The following PLXDC1 variants were observed in gnomAD, a reference collection of about 807,000 sequenced individuals.
The protein encoded by PLXDC1 is plexin domain containing 1.
Under a neutral mutation model 61.3 loss-of-function variants are expected in PLXDC1, and 39 were observed. The ratio of observed to expected loss-of-function variants is 0.64; its 90% CI spans 0.49 to 0.83. PLXDC1 has a LOEUF of 0.83. Among genes scored for constraint, PLXDC1 ranks in the 40% least tolerant of loss-of-function variants. The pLI is 0.00. For missense variants in PLXDC1, 596 were observed against 666.5 expected (o/e 0.89, Z 1.17); for synonymous variants, 212 against 254.5 (o/e 0.83, Z 1.59).
chr17:39,144,283 G>A lies in PLXDC1; in HGVS notation c.77-4451C>T, dbSNP rs144914245. The stretch of plus-strand genomic sequence containing the variant: ...CCCTAGTGACTCAAATGGATTTGAC[G>A]ATGGTGCCCACAGTACAGGCTGCCA... On this transcript the variant is annotated intron_variant, in intron 1 of 13. Coordinates refer to ENST00000315392, the MANE Select transcript of PLXDC1 (RefSeq NM_020405.5). 3.9e-3 allele frequency among the ~76,000 whole-genome samples: 589 copies of A among 152,226 alleles called. 9 individuals carry two copies. The highest frequency in any genetic ancestry group is 0.014 in the African/African-American group (564 of 41,536).
chr17:39,131,259 G>T (rs1911549918), intron 2 of PLXDC1, among the ~76,000 whole-genome samples: 1 of 152,176 alleles, frequency 6.6e-6, no homozygotes, highest in Admixed American at 6.5e-5. Context: ...GGCCAGGACT[G>T]CCGGGCTCCT....
chr17:39,104,873 G>C (rs1322162603), intron 7 of PLXDC1, among the ~76,000 whole-genome samples: 1 of 152,196 alleles, frequency 6.6e-6, no homozygotes, highest in African/African-American at 2.4e-5. Context: ...GAACATAGTG[G>C]CCCAGTGTGT....
In PLXDC1 at chr17:39,069,861, TGAA is replaced by T; in HGVS notation, c.1375_1377del (p.Phe459del). 1.9e-6 allele frequency: 3 copies of T among 1,613,604 alleles called. No individual in the cohort carries two copies. Among genetic ancestry groups the T allele is most frequent in the Non-Finnish European group, 1.7e-6 (2 of 1,179,628 alleles). Reference sequence around the variant, plus strand: ...TGGCCACAGATGACACGGACCTCGATGAAGAAGAGCGCAGCATTGGATGTGGGG... The same window carrying T: ...TGGCCACAGATGACACGGACCTCGATGAAGAGCGCAGCATTGGATGTGGGG... On this transcript the variant is annotated inframe_deletion, in exon 13 of 14. Transcript: ENST00000315392.
At chr17:39,107,554 A>G (rs1910639516) in intron 5 of PLXDC1, 29 bp from the exon 6 acceptor site, 1 of 1,499,516 alleles carries the variant, frequency 6.7e-7, no homozygotes, top group South Asian at 1.1e-5. Context: ...ACCCGGCTGG[A>G]CGGGAGATCA....
chr17:39,086,871 A>AAAAAAAAAAAAAAAAAAAAAAAC (rs1909760252), intron 8 of PLXDC1, among the ~76,000 whole-genome samples: 1 of 151,034 alleles, frequency 6.6e-6, no homozygotes, highest in Non-Finnish European at 1.5e-5. Flanking sequence ...AAAAAAAAAA[A>AAAAAAAAAAAAAAAAAAAAAAAC]AAAAAAAAAG....
intron 1 of PLXDC1, among the ~76,000 whole-genome samples, chr17:39,148,482 G>C (rs2045354809): frequency 6.6e-6 from 1 of 151,716 alleles, no homozygotes; most frequent in African/African-American, 2.4e-5. Flanking sequence ...TCGGGTTCAA[G>C]CTATTCTCCT....
At chr17:39,109,477 C>T in intron 2 of PLXDC1, 86 bp from the exon 3 acceptor site, 1 of 1,493,630 alleles carries the variant, frequency 6.7e-7, no homozygotes, top group Non-Finnish European at 9.0e-7. Context: ...ACTCAGATTT[C>T]TGGGTACAGG....
At chr17:39,121,588 C>T (rs150166813) in intron 2 of PLXDC1, among the ~76,000 whole-genome samples, 104 of 152,324 alleles carry the variant, frequency 6.8e-4, no homozygotes, top group African/African-American at 2.2e-3. Context: ...CCCCTTATCA[C>T]GCTGCCACCC....
At chr17:39,106,642 CTTTT>C (rs1910599256) in intron 6 of PLXDC1, among the ~76,000 whole-genome samples, 1 of 134,618 alleles carries the variant, frequency 7.4e-6, no homozygotes, top group Non-Finnish European at 1.6e-5. Context: ...TTTCTTTTTT[CTTTT>C]TCTTTCTTTT....
intron 2 of PLXDC1, among the ~76,000 whole-genome samples, chr17:39,125,722 C>G (rs1911293717): frequency 6.6e-6 from 1 of 152,160 alleles, no homozygotes; most frequent in Non-Finnish European, 1.5e-5. Flanking sequence ...ATATCAAAAG[C>G]AGCTTTTGAT....
chr17:39,105,882 C>T lies in PLXDC1; in HGVS notation c.783G>A (p.Met261Ile). The T allele has an allele frequency of 6.2e-7, 1 of 1,613,800 alleles. No homozygotes were observed. Among genetic ancestry groups the T allele is most frequent in the Non-Finnish European group, 8.5e-7 (1 of 1,179,728 alleles). Residue 261 changes from methionine (M) to isoleucine (I), a missense_variant, in exon 7 of 14, where the codon ATG becomes ATA. Coordinates refer to ENST00000315392, the MANE Select transcript of PLXDC1 (RefSeq NM_020405.5). ...PVKTGLSDAF[M>I]ILNPSPDVPE... is the part of the protein sequence containing the mutation. ...GCACATCCGGGGATGGATTGAGAAT[C>T]ATGAAGGCATCCGATAGGCCGGTTT...
chr17:39,080,370 C>G (rs574333150), intron 9 of PLXDC1: 1 of 152,310 alleles, frequency 6.6e-6, no homozygotes, highest in Non-Finnish European at 1.5e-5. Flanking sequence ...ATTTCTGGAG[C>G]TAATCCTGGA....
At chr17:39,145,677 T>A (rs1453435650) in intron 1 of PLXDC1, among the ~76,000 whole-genome samples, 5 of 152,124 alleles carry the variant, frequency 3.3e-5, no homozygotes, top group African/African-American at 7.2e-5. Flanking sequence ...TTAAATGCCC[T>A]GAGTACCTGA....
At chr17:39,100,489 C>T (rs967253619) in intron 7 of PLXDC1, among the ~76,000 whole-genome samples, 1 of 152,212 alleles carries the variant, frequency 6.6e-6, no homozygotes, top group Non-Finnish European at 1.5e-5. Flanking sequence ...CTCCTGACCT[C>T]AGGAGATCCC....
chr17:39,067,626 G>T lies in PLXDC1; in HGVS notation c.*214C>A, dbSNP rs1006507199. 11 of 514,192 alleles carry T rather than the reference G, an allele frequency of 2.1e-5. No individual in the cohort carries two copies. The highest frequency in any genetic ancestry group is 3.8e-5 in the Non-Finnish European group (11 of 287,678). The allele number at this position is 514,192 out of a possible 1,614,324, so 31.9% of individuals were successfully genotyped here. A position where few individuals can be genotyped will look rare whatever the true frequency, so the allele number is the denominator to read the frequency against. Reference sequence around the variant, plus strand: ...CATCAAAACAGGATGAGATTAGGTTGTTGTTCCTATAAAAAATCCATGTGG... The same window carrying T: ...CATCAAAACAGGATGAGATTAGGTTTTTGTTCCTATAAAAAATCCATGTGG... On this transcript the variant is annotated 3_prime_UTR_variant, in exon 14 of 14. Transcript: ENST00000315392.
At chr17:39,113,456 C>G (rs1484326373) in intron 2 of PLXDC1, among the ~76,000 whole-genome samples, 1 of 152,142 alleles carries the variant, frequency 6.6e-6, no homozygotes, top group Admixed American at 6.5e-5. Flanking sequence ...CCACATCATC[C>G]CCTTGCTTAG....
chr17:39,071,026 G>T (rs147899415), intron 12 of PLXDC1, among the ~76,000 whole-genome samples: 57 of 152,286 alleles, frequency 3.7e-4, no homozygotes, highest in African/African-American at 1.3e-3. Flanking sequence ...GAAGCTCAAA[G>T]AAAGTCTATG....
At chr17:39,092,180 T>C (rs950617133) in intron 7 of PLXDC1, among the ~76,000 whole-genome samples, 1 of 151,984 alleles carries the variant, frequency 6.6e-6, no homozygotes, top group African/African-American at 2.4e-5. Context: ...CCAGGCTCAG[T>C]AATCCTGCCT....
chr17:39,094,739 G>A (rs536477974), intron 7 of PLXDC1, among the ~76,000 whole-genome samples: 1 of 152,234 alleles, frequency 6.6e-6, no homozygotes, highest in South Asian at 2.1e-4. Flanking sequence ...GAAAACCTCA[G>A]CAACTTATAA....
Sources: allele counts gnomAD v4.1 joint callset (sites outside exome capture counted in the v4.1 genomes callset), GRCh38; gene constraint gnomAD v4.1.1; transcripts MANE v1.5; gene names NCBI Gene and HGNC (gene_info 2026-07-23, HGNC 2026-07-21).